MBOAT2: variants seen among roughly 807,000 people sequenced by gnomAD.
The protein encoded by MBOAT2 is membrane bound glycerophospholipid O-acyltransferase 2, also known as membrane-bound glycerophospholipid O-acyltransferase 2.
MBOAT2 carries 28 observed loss-of-function variants against 63.4 expected under a neutral mutation model. The ratio of observed to expected loss-of-function variants is 0.44; its 90% CI spans 0.33 to 0.61. The LOEUF (loss-of-function observed/expected upper bound fraction) is 0.61. Ranked by LOEUF, MBOAT2 falls within the 20% of genes least tolerant of loss-of-function variation. The pLI is 0.03. For synonymous variants in MBOAT2, 211 were observed against 215.6 expected (o/e 0.98, Z 0.19); for missense variants, 470 against 605.8 (o/e 0.78, Z 2.35).
chr2:8,986,586 G>A (rs1163086938), intron 1 of MBOAT2, among the ~76,000 whole-genome samples: 4 of 152,006 alleles, frequency 2.6e-5, no homozygotes, highest in Non-Finnish European at 4.4e-5. Context: ...AAGTAATACG[G>A]TAGCCTGCAT....
At chr2:8,992,796 G>C (rs1490686598) in intron 1 of MBOAT2, among the ~76,000 whole-genome samples, 1 of 152,214 alleles carries the variant, frequency 6.6e-6, no homozygotes, top group Non-Finnish European at 1.5e-5. Context: ...GGACTTCCCA[G>C]AAGAATGTGG....
intron 1 of MBOAT2, among the ~76,000 whole-genome samples, chr2:8,982,581 C>T (rs550347409): frequency 7.9e-4 from 121 of 152,256 alleles, no homozygotes; most frequent in African/African-American, 2.6e-3. Flanking sequence ...TATGACACTG[C>T]GTACTGTTGC....
intron 1 of MBOAT2, among the ~76,000 whole-genome samples, chr2:8,976,048 C>T (rs1365873406): frequency 6.6e-6 from 1 of 152,112 alleles, no homozygotes; most frequent in Non-Finnish European, 1.5e-5. Flanking sequence ...CCTCCCCAGA[C>T]AACAGCACAG....
rs1465162671 is a variant in MBOAT2, at chr2:8,857,428, T to C, written c.*1251A>G. The C allele has an allele frequency of 1.3e-5, 2 of 152,250 alleles. No individual in the cohort carries two copies. The highest frequency in any genetic ancestry group is 6.5e-5 in the Admixed American group (1 of 15,282). The allele number at this position is 152,250 out of a possible 1,614,324, so 9.4% of individuals were successfully genotyped here. ...AAGGCAAGATTAGTTGTGGTAAAAA[T>C]GGCCCATAAAATAAAAGCACATTTT... On this transcript the variant is annotated 3_prime_UTR_variant, in exon 13 of 13. Coordinates refer to ENST00000305997, the MANE Select transcript of MBOAT2 (RefSeq NM_138799.4).
intron 1 of MBOAT2, among the ~76,000 whole-genome samples, chr2:8,976,044 CA>C (rs1164724520): frequency 6.6e-6 from 1 of 152,098 alleles, no homozygotes; most frequent in African/African-American, 2.4e-5. Context: ...TCTTCCTCCC[CA>C]GACAACAGCA....
chr2:8,981,673 G>C lies in MBOAT2; in HGVS notation c.75+21867C>G, dbSNP rs117436078. 1.7e-4 allele frequency among the ~76,000 whole-genome samples: 26 copies of C among 152,222 alleles called. No individual in the cohort carries two copies. The East Asian group carries it at 5.0e-3, about 29-fold the overall frequency. ...AGAGGGGGTAGGGCAGTGGGATAAA[G>C]AGGGAGGGGGAAACAGGAAGGACAG... On this transcript the variant is annotated intron_variant, in intron 1 of 12. Coordinates refer to ENST00000305997, the MANE Select transcript of MBOAT2 (RefSeq NM_138799.4).
rs184876205 is a variant in MBOAT2, at chr2:8,956,285, C to G, written c.221+2212G>C. ...AAGAATATATCCCTATTAGTTAATT[C>G]CAGTTAGCAAAGAGTTATCTTACAC... On this transcript the variant is annotated intron_variant, in intron 2 of 12. Transcript: ENST00000305997. Among the ~76,000 whole-genome samples the G allele has an allele frequency of 5.9e-5, 9 of 152,260 alleles. No individual in the cohort carries two copies. In the East Asian group the frequency reaches 1.5e-3, roughly 26 times the overall value.
intron 1 of MBOAT2, among the ~76,000 whole-genome samples, chr2:8,973,049 G>C (rs937324920): frequency 5.3e-5 from 8 of 152,150 alleles, no homozygotes; most frequent in African/African-American, 1.9e-4. Context: ...AAATCATGCT[G>C]TTATAAAGAT....
Position 8,867,143 on chromosome 2 carries a change from A to T in MBOAT2, c.987+1303T>A, listed in dbSNP as rs761561494. Among the ~76,000 whole-genome samples, 35 of 151,866 alleles carry T rather than the reference A, an allele frequency of 2.3e-4. 1 individual carries two copies. The highest frequency in any genetic ancestry group is 4.6e-4 in the Non-Finnish European group (31 of 67,976). ...GATCACGGCTCACTGCAGCCTGCTG[A>T]GTAGCTGGGTCTACAGGTGCTCACT... On this transcript the variant is annotated intron_variant, in intron 9 of 12. Transcript: ENST00000305997.
intron 2 of MBOAT2, among the ~76,000 whole-genome samples, chr2:8,948,504 T>C (rs1306827057): frequency 1.3e-5 from 2 of 152,172 alleles, no homozygotes; most frequent in Non-Finnish European, 2.9e-5. Context: ...ATCTCCCACC[T>C]CTAGTAGTCC....
At chr2:8,947,042 C>T (rs748696508) in intron 2 of MBOAT2, among the ~76,000 whole-genome samples, 2 of 152,152 alleles carry the variant, frequency 1.3e-5, no homozygotes, top group African/African-American at 2.4e-5. Context: ...TTAGTCATGC[C>T]GTAAATACAA....
At chr2:8,945,125 C>T (rs1341311909) in intron 2 of MBOAT2, among the ~76,000 whole-genome samples, 1 of 152,144 alleles carries the variant, frequency 6.6e-6, no homozygotes, top group African/African-American at 2.4e-5. Flanking sequence ...CTCCTGACAT[C>T]GCCATTCAGG....
chr2:8,914,934 C>CTTTTTTTTTTTTTTT (rs938665533), intron 3 of MBOAT2, among the ~76,000 whole-genome samples: 3 of 60,242 alleles, frequency 5.0e-5, no homozygotes, highest in African/African-American at 6.9e-5. Flanking sequence ...CTGGAAATTT[C>CTTTTTTTTTTTTTTT]TTTTTTTTTT....
rs774326741 is a variant in MBOAT2, at chr2:8,864,202, A to G, written c.1020T>C (p.Asn340=). The change falls in exon 10 of 13, where the codon AAT becomes AAC. Residue 340 remains asparagine (N), a synonymous_variant. Coordinates refer to ENST00000305997, the MANE Select transcript of MBOAT2 (RefSeq NM_138799.4). ...MSTSFKMFLD[N]WNIQTALWLK... ...GCCAAAGAGCTGTCTGAATATTCCA[A>G]TTATCAAGAAACATCTTGAAACTTG... 21 of 1,583,230 alleles carry G rather than the reference A, an allele frequency of 1.3e-5. No homozygotes were observed. Among genetic ancestry groups the G allele is most frequent in the South Asian group, 4.7e-5 (4 of 84,428 alleles).
intron 5 of MBOAT2, among the ~76,000 whole-genome samples, chr2:8,886,841 CAGA>C (rs1663591862): frequency 6.6e-6 from 1 of 152,210 alleles, no homozygotes; most frequent in Admixed American, 6.5e-5. Flanking sequence ...CAGCATACTA[CAGA>C]AGTTCTAGCA....
At chr2:8,874,178 C>T (rs1283758723) in intron 7 of MBOAT2, among the ~76,000 whole-genome samples, 1 of 152,178 alleles carries the variant, frequency 6.6e-6, no homozygotes, top group Non-Finnish European at 1.5e-5. Context: ...AGAAGAAAAG[C>T]TCCAAGACAA....
intron 1 of MBOAT2, among the ~76,000 whole-genome samples, chr2:8,979,833 CA>C (rs1406287634): frequency 6.6e-6 from 1 of 152,110 alleles, no homozygotes; most frequent in Non-Finnish European, 1.5e-5. Flanking sequence ...GTTGTGCTGA[CA>C]ACGCAAGACT....
intron 1 of MBOAT2, among the ~76,000 whole-genome samples, chr2:8,976,802 G>C (rs1670849071): frequency 6.6e-6 from 1 of 152,128 alleles, no homozygotes; most frequent in Admixed American, 6.6e-5. Context: ...CATAATGACT[G>C]CACAAGTGAA....
chr2:8,886,810 GTCACAGGAGTAATC>G (rs1663588261), intron 5 of MBOAT2, among the ~76,000 whole-genome samples: 1 of 152,136 alleles, frequency 6.6e-6, no homozygotes, highest in African/African-American at 2.4e-5. Flanking sequence ...TCTTTCCAGT[GTCACAGGAGTAATC>G]TGTTACCAGC....
Sources: allele counts gnomAD v4.1 joint callset (sites outside exome capture counted in the v4.1 genomes callset), GRCh38; gene constraint gnomAD v4.1.1; transcripts MANE v1.5; gene names NCBI Gene and HGNC (gene_info 2026-07-23, HGNC 2026-07-21).